Variants in HSD17B14 observed in about 807,000 individuals in gnomAD.
HSD17B14 encodes L-fucose dehydrogenase.
HSD17B14 carries 32 observed loss-of-function variants against 32.2 expected under a neutral mutation model. The observed-to-expected ratio is 0.99, with a 90% CI of 0.75 to 1.33. The LOEUF is 1.33. HSD17B14 is among the 40% of genes most tolerant of loss of function. The pLI, the probability that HSD17B14 is intolerant of heterozygous loss-of-function variation, is 0.00. For missense variants in HSD17B14, 370 were observed against 366.5 expected, an observed-to-expected ratio of 1.01 and a Z score of -0.08; for synonymous variants, 140 against 155.4, an observed-to-expected ratio of 0.90 and a Z score of 0.74.
At chr19:48,831,202 G>A (rs1442243199) in intron 5 of HSD17B14, among the ~76,000 whole-genome samples, 1 of 152,092 alleles carries the variant, frequency 6.6e-6, no homozygotes, top group Non-Finnish European at 1.5e-5. Flanking sequence ...TCCTAAGACT[G>A]GGCTATGTAG....
At position 48,826,542 on chromosome 19, in the gene HSD17B14, T is replaced by TATATATATACACACAC; in HGVS notation, c.369+5125_369+5126insGTGTGTGTATATATAT. On this transcript the variant is annotated intron_variant, in intron 5 of 8. Coordinates refer to ENST00000263278, the MANE Select transcript of HSD17B14 (RefSeq NM_016246.3). ...GAAAAGAAGAAAATATATATATATA[T>TATATATATACACACAC]ACACACACACACACACACACACACA... 2.0e-3 allele frequency among the ~76,000 whole-genome samples: 157 copies of TATATATATACACACAC among 80,108 alleles called. 2 individuals are homozygous for TATATATATACACACAC. The highest frequency in any genetic ancestry group is 7.7e-3 in the African/African-American group (146 of 19,072). 52.6% of individuals were successfully genotyped at this position (80,108 alleles called of 152,430 possible).
intron 5 of HSD17B14, among the ~76,000 whole-genome samples, chr19:48,823,409 C>T (rs1466405574): frequency 1.3e-5 from 2 of 151,642 alleles, no homozygotes; most frequent in Non-Finnish European, 2.9e-5. Context: ...GACACTATCT[C>T]AAAATAATAA....
At position 48,813,239 on chromosome 19, in the gene HSD17B14, T is replaced by C; in HGVS notation, c.749A>G (p.Glu250Gly). The C allele has an allele frequency of 1.9e-6, 3 of 1,610,914 alleles. No individual in the cohort carries two copies. Among genetic ancestry groups the C allele is most frequent in the Non-Finnish European group, 2.5e-6 (3 of 1,178,850 alleles). Residue 250 changes from glutamate to glycine, a missense_variant, in exon 9 of 9, where the codon GAG becomes GGG. Transcript: ENST00000263278. The stretch of plus-strand genomic sequence containing the variant: ...ACTGGCCTTGCACCCGTACCCCAGC[T>C]CTGCACCCCCCGTCACGAGCAGTTC... ...GIELLVTGGA[E>G]LGYGCKASRS... is the part of the protein sequence containing the mutation.
intron 5 of HSD17B14, among the ~76,000 whole-genome samples, chr19:48,827,035 TA>T (rs2035262693): frequency 6.7e-6 from 1 of 150,370 alleles, no homozygotes; most frequent in Admixed American, 6.7e-5. Context: ...AGAACAAACC[TA>T]AAACCCCACT....
At position 48,835,814 on chromosome 19, in the gene HSD17B14, C is replaced by G. The variant is rs757348692; in HGVS notation, c.118G>C (p.Asp40His). 3 of 1,613,622 alleles carry G rather than the reference C, an allele frequency of 1.9e-6. No individual in the cohort carries two copies. The highest frequency in any genetic ancestry group is 2.5e-6 in the Non-Finnish European group (3 of 1,179,732). Residue 40 changes from aspartate (D) to histidine (H), a missense_variant, in exon 2 of 9, where the codon GAC becomes CAC. By Grantham distance (81) the Asp-to-His change is moderately conservative. Transcript: ENST00000263278. ...AGGGACCGTCACTCACCATCCTTGT[C>G]GCAGATAACCACTCGGGCCCCGCTG... ...VNSGARVVICDKDESGGRALE... is the reference protein window; with the variant it reads ...VNSGARVVICHKDESGGRALE...
Position 48,813,230 on chromosome 19 carries a change from T to A in HSD17B14, c.758A>T (p.Tyr253Phe), listed in dbSNP as rs1384510235. 1 of 1,611,396 alleles carries A rather than the reference T, an allele frequency of 6.2e-7. No homozygotes were observed. The highest frequency in any genetic ancestry group is 8.5e-7 in the Non-Finnish European group (1 of 1,179,106). ...LLVTGGAELG[Y>F]GCKASRSTPV... ...GGTGCTCCGACTGGCCTTGCACCCG[T>A]ACCCCAGCTCTGCACCCCCCGTCAC... Residue 253 changes from tyrosine (Y) to phenylalanine (F), a missense_variant, in exon 9 of 9, where the codon TAC becomes TTC. Tyr to Phe is a conservative substitution (Grantham distance 22, BLOSUM62 3). Transcript: ENST00000263278.
At position 48,834,353 on chromosome 19, in the gene HSD17B14, C is replaced by T; in HGVS notation, c.133G>A (p.Gly45Arg). 6.2e-7 allele frequency: 1 copy of T among 1,613,234 alleles called. No homozygotes were observed. The highest frequency in any genetic ancestry group is 1.1e-5 in the South Asian group (1 of 91,056). ...AGCTCCTGCTCCAGGGCCCGGCCCCCAGACTCTGCAGGGAGAGAAGAGCTG... is the reference window on the plus strand; with the variant it reads ...AGCTCCTGCTCCAGGGCCCGGCCCCTAGACTCTGCAGGGAGAGAAGAGCTG... ...RVVICDKDES[G>R]GRALEQELPG... Residue 45 changes from glycine (G) to arginine (R), a missense_variant, in exon 3 of 9, where the codon GGG becomes AGG. Gly to Arg is a moderately radical substitution (Grantham distance 125). Coordinates refer to ENST00000263278, the MANE Select transcript of HSD17B14 (RefSeq NM_016246.3).
chr19:48,815,082 C>A lies in HSD17B14; in HGVS notation c.429G>T (p.Val143=), dbSNP rs1354341450. ...QGNVINISSL[V]GAIGQAQAVP... is the part of the protein sequence containing the mutation. ...CTGCCTGGGCCTGGCCGATTGCCCC[C>A]ACCAGGCTGGAGATGTTGATGACAT... Residue 143 remains valine, a synonymous_variant, in exon 6 of 9, where the codon GTG becomes GTT. Transcript: ENST00000263278. The A allele has an allele frequency of 6.2e-7, 1 of 1,614,016 alleles. No individual in the cohort carries two copies.
chr19:48,816,190 C>T (rs2035048650), intron 5 of HSD17B14, among the ~76,000 whole-genome samples: 1 of 152,068 alleles, frequency 6.6e-6, no homozygotes, highest in Non-Finnish European at 1.5e-5. Context: ...TCTTTGATCT[C>T]GCTTGCCTTA....
rs766141827 is a variant in HSD17B14, at chr19:48,827,188, G to A, written c.369+4480C>T. On this transcript the variant is annotated intron_variant, in intron 5 of 8. Coordinates refer to ENST00000263278, the MANE Select transcript of HSD17B14 (RefSeq NM_016246.3). ...CTCATAAGAAGCTGGGATTACAGGC[G>A]CCCACCACCACGCCTGGCTAATTTT... 3.3e-5 allele frequency among the ~76,000 whole-genome samples: 5 copies of A among 151,888 alleles called. No homozygotes were observed. In the East Asian group the frequency reaches 7.8e-4, roughly 24 times the overall value.
intron 6 of HSD17B14, among the ~76,000 whole-genome samples, chr19:48,814,242 G>A (rs1466141440): frequency 2.0e-5 from 3 of 148,910 alleles, no homozygotes; most frequent in Admixed American, 6.7e-5. Flanking sequence ...AAAGTTAGCC[G>A]GGCACAGTGG....
chr19:48,816,888 T>A (rs1453054289), intron 5 of HSD17B14, among the ~76,000 whole-genome samples: 1 of 151,402 alleles, frequency 6.6e-6, no homozygotes, highest in Admixed American at 6.6e-5. Flanking sequence ...TAGGCTGGAA[T>A]GCAGTGGTGC....
intron 5 of HSD17B14, among the ~76,000 whole-genome samples, chr19:48,825,696 A>T (rs1044433890): frequency 6.6e-6 from 1 of 152,164 alleles, no homozygotes; most frequent in Non-Finnish European, 1.5e-5. Context: ...AAAACAGAGG[A>T]GCAGAAATGT....
chr19:48,824,333 G>A (rs958088613), intron 5 of HSD17B14, among the ~76,000 whole-genome samples: 6 of 145,736 alleles, frequency 4.1e-5, no homozygotes, highest in African/African-American at 1.3e-4. Flanking sequence ...CGGGCTGAGA[G>A]GATGAGGTGG....
intron 4 of HSD17B14, among the ~76,000 whole-genome samples, chr19:48,832,395 AAGAAG>A (rs942174312): frequency 2.6e-5 from 4 of 152,048 alleles, no homozygotes; most frequent in Non-Finnish European, 5.9e-5. Context: ...AAAGAAAAGA[AAGAAG>A]AGAAGAGAAG....
intron 5 of HSD17B14, among the ~76,000 whole-genome samples, chr19:48,830,695 T>G (rs1056969568): frequency 2.0e-5 from 3 of 152,032 alleles, no homozygotes; most frequent in African/African-American, 7.2e-5. Context: ...GTAATTTCCG[T>G]ATTTTTTGTA....
In HSD17B14 at chr19:48,835,804, C is replaced by T; in HGVS notation, c.127+1G>A. The T allele has an allele frequency of 6.2e-7, 1 of 1,613,594 alleles. No homozygotes were observed. Among genetic ancestry groups the T allele is most frequent in the Non-Finnish European group, 8.5e-7 (1 of 1,179,712 alleles). Reference sequence around the variant, plus strand: ...GTGAGGGCTGAGGGACCGTCACTCACCATCCTTGTCGCAGATAACCACTCG... The same window carrying T: ...GTGAGGGCTGAGGGACCGTCACTCATCATCCTTGTCGCAGATAACCACTCG... On this transcript the variant is annotated splice_donor_variant, in intron 2 of 8. Coordinates refer to ENST00000263278, the MANE Select transcript of HSD17B14 (RefSeq NM_016246.3). LOFTEE classifies it high-confidence loss of function.
intron 5 of HSD17B14, among the ~76,000 whole-genome samples, chr19:48,829,951 C>G (rs1403001015): frequency 6.6e-6 from 1 of 151,886 alleles, no homozygotes; most frequent in African/African-American, 2.4e-5. Flanking sequence ...ACTCCATGCT[C>G]TTTTTAAAAA....
chr19:48,820,383 C>T (rs694232), intron 5 of HSD17B14, among the ~76,000 whole-genome samples: 113,051 of 151,436 alleles, frequency 0.75, 42,437 homozygotes, highest in African/African-American at 0.81. Context: ...GACATGAGAA[C>T]TGCTTGAACC....
Sources: gnomAD v4.1 joint callset for allele counts (sites outside exome capture counted in the v4.1 genomes callset) on GRCh38, gnomAD v4.1.1 for gene constraint, MANE v1.5 for transcripts, NCBI Gene and HGNC (gene_info 2026-07-23, HGNC 2026-07-21) for gene names.